The following MSRA variants were observed in gnomAD, a reference collection of about 807,000 sequenced individuals.
MSRA encodes the protein mitochondrial peptide methionine sulfoxide reductase.
Under a neutral mutation model 31.3 loss-of-function variants are expected in MSRA, and 54 were observed. That is an observed-to-expected ratio of 1.73 (90% CI 1.39 to 2.17). MSRA has a LOEUF of 2.17. Ranked by LOEUF, MSRA falls within the 30% of genes most tolerant of loss-of-function variation. The probability of loss-of-function intolerance (pLI) is 0.00; values close to 1 mark genes in which losing one functional copy is unlikely to be tolerated. For synonymous variants in MSRA, 169 were observed against 116.5 expected (o/e 1.45, Z -2.90); for missense variants, 507 against 300.9 (o/e 1.69, Z -5.07).
At chr8:10,204,791 C>G (rs1245546868) in intron 1 of MSRA, among the ~76,000 whole-genome samples, 1 of 152,180 alleles carries the variant, frequency 6.6e-6, no homozygotes, top group East Asian at 1.9e-4. Context: ...TACCATTTAC[C>G]TCACTCGTTA....
At chr8:10,390,261 G>A (rs1291707036) in intron 5 of MSRA, among the ~76,000 whole-genome samples, 2 of 152,238 alleles carry the variant, frequency 1.3e-5, no homozygotes, top group Non-Finnish European at 2.9e-5. Context: ...TGAGAGGAGG[G>A]GGTCCCTGTG....
intron 2 of MSRA, among the ~76,000 whole-genome samples, chr8:10,242,935 G>T (rs1025724991): frequency 9.2e-5 from 14 of 152,072 alleles, no homozygotes; most frequent in African/African-American, 3.4e-4. Flanking sequence ...CCAGACCCTT[G>T]CCCACCTGCA....
intron 1 of MSRA, among the ~76,000 whole-genome samples, chr8:10,159,240 G>T (rs1368501360): frequency 6.6e-6 from 1 of 152,238 alleles, no homozygotes; most frequent in Non-Finnish European, 1.5e-5. Flanking sequence ...TTTCCTGCCT[G>T]GGCACCTGCG....
chr8:10,083,587 A>T (rs773879915), intron 1 of MSRA, among the ~76,000 whole-genome samples: 3 of 152,246 alleles, frequency 2.0e-5, no homozygotes, highest in Non-Finnish European at 4.4e-5. Context: ...TTATTTAACA[A>T]AACCTGAGTT....
At chr8:10,257,482 C>G (rs187011490) in intron 3 of MSRA, among the ~76,000 whole-genome samples, 297 of 152,294 alleles carry the variant, frequency 2.0e-3, no homozygotes, top group Middle Eastern at 3.4e-3. Flanking sequence ...CCTCGGCTCA[C>G]TGCAACCCCC....
intron 3 of MSRA, among the ~76,000 whole-genome samples, chr8:10,272,223 G>C (rs899929073): frequency 6.6e-6 from 1 of 152,144 alleles, no homozygotes; most frequent in Non-Finnish European, 1.5e-5. Context: ...ATGATCTATT[G>C]ATGAGTTGAT....
intron 5 of MSRA, among the ~76,000 whole-genome samples, chr8:10,426,436 C>T (rs1456673500): frequency 2.0e-5 from 3 of 152,258 alleles, no homozygotes; most frequent in African/African-American, 7.2e-5. Flanking sequence ...TGGCATTCCA[C>T]GGACTCTCTG....
chr8:10,201,767 T>C (rs1304804369), intron 1 of MSRA, among the ~76,000 whole-genome samples: 1 of 152,220 alleles, frequency 6.6e-6, no homozygotes, highest in Non-Finnish European at 1.5e-5. Context: ...GACCCAGTCT[T>C]GGTCTAATTA....
intron 1 of MSRA, among the ~76,000 whole-genome samples, chr8:10,157,176 A>G (rs929226150): frequency 4.6e-5 from 7 of 152,108 alleles, no homozygotes; most frequent in Non-Finnish European, 7.4e-5. Flanking sequence ...ACCATTTTAC[A>G]TAGTTTCTAA....
intron 5 of MSRA, among the ~76,000 whole-genome samples, chr8:10,403,182 C>G (rs1260894405): frequency 1.3e-5 from 2 of 152,180 alleles, no homozygotes; most frequent in Non-Finnish European, 2.9e-5. Flanking sequence ...TCCAAATGCA[C>G]CAGAGAAGCT....
At chr8:10,315,364 A>C (rs912236406) in intron 4 of MSRA, among the ~76,000 whole-genome samples, 1 of 152,230 alleles carries the variant, frequency 6.6e-6, no homozygotes, top group Non-Finnish European at 1.5e-5. Context: ...AGGCATTGTC[A>C]TCAATAGAGA....
intron 3 of MSRA, among the ~76,000 whole-genome samples, chr8:10,280,688 A>G (rs1799575019): frequency 6.6e-6 from 1 of 152,242 alleles, no homozygotes; most frequent in African/African-American, 2.4e-5. Flanking sequence ...AAGAGTCATG[A>G]CAACCTGTGT....
At chr8:10,114,145 C>T (rs1431999646) in intron 1 of MSRA, among the ~76,000 whole-genome samples, 1 of 152,186 alleles carries the variant, frequency 6.6e-6, no homozygotes, top group Non-Finnish European at 1.5e-5. Context: ...ATCAGTATTC[C>T]ATTCCTTTTA....
intron 1 of MSRA, among the ~76,000 whole-genome samples, chr8:10,170,669 T>A (rs1805516266): frequency 6.6e-6 from 1 of 152,226 alleles, no homozygotes; most frequent in African/African-American, 2.4e-5. Context: ...TATGGGAGGA[T>A]GTGCATAGGT....
At chr8:10,398,728 G>T (rs1807257617) in intron 5 of MSRA, among the ~76,000 whole-genome samples, 1 of 152,226 alleles carries the variant, frequency 6.6e-6, no homozygotes, top group African/African-American at 2.4e-5. Context: ...GCTGGAACTG[G>T]GAGGTTGGGG....
At chr8:10,155,417 A>C (rs188145985) in intron 1 of MSRA, among the ~76,000 whole-genome samples, 16 of 152,316 alleles carry the variant, frequency 1.1e-4, no homozygotes, top group African/African-American at 3.1e-4. Context: ...GGTTGTATCA[A>C]CTGAAGAGCC....
intron 5 of MSRA, among the ~76,000 whole-genome samples, chr8:10,424,201 A>G (rs970326434): frequency 6.6e-6 from 1 of 152,214 alleles, no homozygotes; most frequent in Non-Finnish European, 1.5e-5. Context: ...TTCCTTGGAG[A>G]TCGTGTGCAA....
intron 1 of MSRA, among the ~76,000 whole-genome samples, chr8:10,080,854 T>G (rs1285557000): frequency 2.0e-5 from 3 of 152,126 alleles, no homozygotes; most frequent in Non-Finnish European, 4.4e-5. Flanking sequence ...AGCCTCATCT[T>G]GAGTGTGAAA....
chr8:10,367,256 G>A (rs1805220050), intron 5 of MSRA, among the ~76,000 whole-genome samples: 1 of 152,096 alleles, frequency 6.6e-6, no homozygotes, highest in South Asian at 2.1e-4. Flanking sequence ...AGAACAATAA[G>A]ATATTTTGAG....
Sources: gnomAD v4.1 joint callset for allele counts (sites outside exome capture counted in the v4.1 genomes callset) on GRCh38, gnomAD v4.1.1 for gene constraint, MANE v1.5 for transcripts, NCBI Gene and HGNC (gene_info 2026-07-23, HGNC 2026-07-21) for gene names.